Variants in FMNL3 observed in about 807,000 individuals in gnomAD.
FMNL3 encodes formin-like protein 3.
Under a neutral mutation model 119.6 loss-of-function variants are expected in FMNL3, and 57 were observed. That is an observed-to-expected ratio of 0.48 (90% CI 0.39 to 0.59). FMNL3 has a LOEUF of 0.59. FMNL3 is among the 20% of genes least tolerant of loss of function. FMNL3 has a pLI of 0.00. For missense variants in FMNL3, 1,053 were observed against 1,323.5 expected, an observed-to-expected ratio of 0.80 and a Z score of 3.17; for synonymous variants, 491 against 507.3, an observed-to-expected ratio of 0.97 and a Z score of 0.43.
At chr12:49,650,547 A>G in intron 17 of FMNL3, 129 bp downstream of exon 17, 1 of 1,025,980 alleles carries the variant, frequency 9.7e-7, no homozygotes, top group Non-Finnish European at 1.4e-6. Context: ...TAGCCAAGCC[A>G]GTGGATGACT....
At position 49,641,018 on chromosome 12, in the gene FMNL3, G is replaced by T. The variant is rs192626329; in HGVS notation, c.*4797C>A. ...GCCATCAGCAAAAAGGCCAGAGGAG[G>T]TGAGAGCTATGTGGAGGGAGAGAAA... On this transcript the variant is annotated 3_prime_UTR_variant, in exon 26 of 26. Coordinates refer to ENST00000335154, the MANE Select transcript of FMNL3 (RefSeq NM_175736.5). 6.6e-6 allele frequency: 1 copy of T among 152,412 alleles called. No individual in the cohort carries two copies. Among genetic ancestry groups the T allele is most frequent in the East Asian group, 1.9e-4 (1 of 5,184 alleles). 9.4% of individuals were successfully genotyped at this position (152,412 alleles called of 1,614,324 possible).
At chr12:49,646,714 C>T (rs762923406) in intron 25 of FMNL3, 172 bp downstream of exon 25, 20 of 1,547,544 alleles carry the variant, frequency 1.3e-5, no homozygotes, top group East Asian at 2.4e-5. Flanking sequence ...GCGTGAGCCC[C>T]GCTTGGCAGT....
At chr12:49,685,141 C>T (rs551728111) in intron 1 of FMNL3, among the ~76,000 whole-genome samples, 3 of 152,224 alleles carry the variant, frequency 2.0e-5, no homozygotes, top group Non-Finnish European at 4.4e-5. Context: ...CAGGTCTCAA[C>T]CTCAGCTGGT....
In FMNL3 at chr12:49,647,233, T is replaced by C. The variant is rs1943232107; in HGVS notation, c.2871+43A>G. ...CTTCTGACCCCCAGCCCCCACTCTT[T>C]TGCCTTGTCGTCCTCCAGGCCCCAG... On this transcript the variant is annotated intron_variant, in intron 24 of 25. Transcript: ENST00000335154. This position sits in a 1 kb window ranked among gnomAD's most constrained non-coding sequence, Gnocchi z 4.9. 6.2e-7 allele frequency: 1 copy of C among 1,609,124 alleles called. No individual in the cohort carries two copies. Among genetic ancestry groups the C allele is most frequent in the Non-Finnish European group, 8.5e-7 (1 of 1,175,830 alleles).
chr12:49,656,346 G>A (rs1275229315), intron 9 of FMNL3, 58 bp downstream of exon 9: 1 of 1,408,652 alleles, frequency 7.1e-7, no homozygotes, highest in South Asian at 1.2e-5. Context: ...TACCAACCTA[G>A]CTCCCTGCCT....
chr12:49,641,602 G>C lies in FMNL3; in HGVS notation c.*4213C>G. ...CACTGCTGAGCAGCAGGAGGGCCCA[G>C]CTGGGGCCAGAGCTTTAAGCCAAAG... On this transcript the variant is annotated 3_prime_UTR_variant, in exon 26 of 26. Transcript: ENST00000335154. 2.8e-6 allele frequency: 1 copy of C among 360,300 alleles called. No individual in the cohort carries two copies. The highest frequency in any genetic ancestry group is 4.1e-5 in the South Asian group (1 of 24,312). 22.3% of individuals were successfully genotyped at this position (360,300 alleles called of 1,614,324 possible). A position where few individuals can be genotyped will look rare whatever the true frequency, so the allele number is the denominator to read the frequency against.
chr12:49,637,288 T>C lies in FMNL3; in HGVS notation c.*8527A>G. ...TTCTGTCCCTCTCTGTGTATTTACTTTCTCTCTTTTTGCATTGTTCTCAGC... is the reference window on the plus strand; with the variant it reads ...TTCTGTCCCTCTCTGTGTATTTACTCTCTCTCTTTTTGCATTGTTCTCAGC... On this transcript the variant is annotated 3_prime_UTR_variant, in exon 26 of 26. Transcript: ENST00000335154. The C allele has an allele frequency of 1.7e-6, 1 of 599,542 alleles. No individual in the cohort carries two copies. The highest frequency in any genetic ancestry group is 3.0e-6 in the Non-Finnish European group (1 of 335,666). 37.1% of individuals were successfully genotyped at this position (599,542 alleles called of 1,614,324 possible).
Position 49,645,868 on chromosome 12 carries a change from C to A in FMNL3, c.3031G>T (p.Ala1011Ser). ...HCQPMVVRHQ[A>S]RSAAPPSGPP... ...CCACTGGGCGGTGCAGCACTCCTGG[C>A]TTGGTGGCGAACAACCATAGGCTGG... The change falls in exon 26 of 26, where the codon GCC becomes TCC. Residue 1011 changes from alanine (A) to serine (S), a missense_variant. Around this residue, in one of 4 missense-constraint regions of FMNL3, gnomAD observed 324 missense variants for 380.9 expected, o/e 0.85. Coordinates refer to ENST00000335154, the MANE Select transcript of FMNL3 (RefSeq NM_175736.5). 1 of 1,611,552 alleles carries A rather than the reference C, an allele frequency of 6.2e-7. No homozygotes were observed.
chr12:49,675,240 A>G (rs1241455475), intron 1 of FMNL3, among the ~76,000 whole-genome samples: 1 of 152,078 alleles, frequency 6.6e-6, no homozygotes, highest in South Asian at 2.1e-4. Context: ...GCGCTTCCCA[A>G]CTGAGCACCC....
In FMNL3 at chr12:49,643,886, C is replaced by G; in HGVS notation, c.*1929G>C. The G allele has an allele frequency of 6.2e-7, 1 of 1,614,164 alleles. No individual in the cohort carries two copies. The highest frequency in any genetic ancestry group is 8.5e-7 in the Non-Finnish European group (1 of 1,180,024). ...AATAGTCCTGAGAGTGAGACAGACC[C>G]TGAGGAGAAAGCTGGCAAGGAGAGC... On this transcript the variant is annotated 3_prime_UTR_variant, in exon 26 of 26. Transcript: ENST00000335154.
chr12:49,643,249 G>A lies in FMNL3; in HGVS notation c.*2566C>T. The A allele has an allele frequency of 6.2e-7, 1 of 1,614,062 alleles. No individual in the cohort carries two copies. On this transcript the variant is annotated 3_prime_UTR_variant, in exon 26 of 26. Transcript: ENST00000335154. ...GCTCTGAGTCAGAAGAAGAGGAGCT[G>A]CCCCCACCATCTCTCCGGCCCCCCA... is the stretch of plus-strand genomic sequence containing the variant.
intron 1 of FMNL3, among the ~76,000 whole-genome samples, chr12:49,684,774 G>A (rs1944416317): frequency 6.6e-6 from 1 of 152,212 alleles, no homozygotes; most frequent in African/African-American, 2.4e-5. Flanking sequence ...CTGCAGACGT[G>A]AGCACTTCAT....
chr12:49,676,520 GTTTTTTT>G (rs58117011), intron 1 of FMNL3, among the ~76,000 whole-genome samples: 12,929 of 103,340 alleles, frequency 0.13, 740 homozygotes, highest in African/African-American at 0.24. Context: ...TTCATAGTGG[GTTTTTTT>G]TTTTTTTTTT....
At chr12:49,646,827 G>A in intron 25 of FMNL3, 59 bp downstream of exon 25, 1 of 1,609,646 alleles carries the variant, frequency 6.2e-7, no homozygotes, top group South Asian at 1.1e-5. Flanking sequence ...AAAGGGGTTA[G>A]GTTGAGCTTT....
Position 49,707,094 on chromosome 12 carries a change from A to AGGCATC in FMNL3, c.81_86dup (p.Met28_Pro29dup). 1 of 1,600,264 alleles carries AGGCATC rather than the reference A, an allele frequency of 6.2e-7. No homozygotes were observed. The highest frequency in any genetic ancestry group is 8.5e-7 in the Non-Finnish European group (1 of 1,174,676). On this transcript the variant is annotated inframe_insertion, in exon 1 of 26. Coordinates refer to ENST00000335154, the MANE Select transcript of FMNL3 (RefSeq NM_175736.5). ...ACCTTTCCTCCAGCTCACAGGGCTC[A>AGGCATC]GGCATCGGCATCTTGCCGGGCGGCA...
chr12:49,644,331 T>C lies in FMNL3; in HGVS notation c.*1484A>G. On this transcript the variant is annotated 3_prime_UTR_variant, in exon 26 of 26. Transcript: ENST00000335154. ...TAACCCCACCCCCAGCACACCATTG[T>C]TGGCACCTCTCAAGGTTGCTCTTGG... 2 of 950,896 alleles carry C rather than the reference T, an allele frequency of 2.1e-6. No homozygotes were observed. The highest frequency in any genetic ancestry group is 2.1e-4 in the Middle Eastern group (1 of 4,766). The allele number at this position is 950,896 out of a possible 1,614,324, so 58.9% of individuals were successfully genotyped here. A position where few individuals can be genotyped will look rare whatever the true frequency, so the allele number is the denominator to read the frequency against.
In FMNL3 at chr12:49,643,725, GA is replaced by G; in HGVS notation, c.*2089del. 1 of 1,614,108 alleles carries G rather than the reference GA, an allele frequency of 6.2e-7. No homozygotes were observed. The highest frequency in any genetic ancestry group is 8.5e-7 in the Non-Finnish European group (1 of 1,180,002). ...TTCGGAAAGCCAAGAAACCAAAAAAGAAAACTAAGAAGAGAAGACACAAGTC... is the reference window on the plus strand; with the variant it reads ...TTCGGAAAGCCAAGAAACCAAAAAAGAAACTAAGAAGAGAAGACACAAGTC... On this transcript the variant is annotated 3_prime_UTR_variant, in exon 26 of 26. Coordinates refer to ENST00000335154, the MANE Select transcript of FMNL3 (RefSeq NM_175736.5).
chr12:49,701,415 C>CA (rs1295758536), intron 1 of FMNL3, among the ~76,000 whole-genome samples: 8 of 152,084 alleles, frequency 5.3e-5, no homozygotes, highest in Non-Finnish European at 8.8e-5. Context: ...CATTTGGAAA[C>CA]AAAAACAGTT....
At chr12:49,685,335 G>A (rs539905765) in intron 1 of FMNL3, among the ~76,000 whole-genome samples, 17 of 152,248 alleles carry the variant, frequency 1.1e-4, no homozygotes, top group East Asian at 9.7e-4. Context: ...GGTGGCACGC[G>A]CCTGTAGTCC....
Sources: allele counts gnomAD v4.1 joint callset (sites outside exome capture counted in the v4.1 genomes callset), GRCh38; gene constraint gnomAD v4.1.1; regional missense constraint gnomAD v4.1.1; non-coding constraint Gnocchi (gnomAD v3.1); transcripts MANE v1.5; gene names NCBI Gene and HGNC (gene_info 2026-07-23, HGNC 2026-07-21).